The following PCF11 variants were observed in gnomAD, a reference collection of about 807,000 sequenced individuals.
PCF11 encodes PCF11 cleavage and polyadenylation factor subunit.
Under a neutral mutation model 166.1 loss-of-function variants are expected in PCF11, and 19 were observed. That is an observed-to-expected ratio of 0.11 (90% CI 0.08 to 0.17). PCF11 has a LOEUF of 0.17. Among genes scored for constraint, PCF11 ranks in the 10% least tolerant of loss-of-function variants. The probability of loss-of-function intolerance (pLI) is 1.00; values close to 1 mark genes in which losing one functional copy is unlikely to be tolerated. For missense variants in PCF11, 1,565 were observed against 1,855.5 expected (o/e 0.84, Z 2.88); for synonymous variants, 663 against 644.1 (o/e 1.03, Z -0.44).
At chr11:83,171,656 A>G (rs1860696108) in intron 8 of PCF11, among the ~76,000 whole-genome samples, 162 bp from the exon 9 acceptor site, 1 of 152,206 alleles carries the variant, frequency 6.6e-6, no homozygotes. Flanking sequence ...TCCTGTTTGT[A>G]GAAGACCTAG....
chr11:83,164,261 C>A, exon 4 of PCF11: 1 of 1,613,684 alleles, frequency 6.2e-7, no homozygotes, highest in South Asian at 1.1e-5. Context: ...CATCTCCACT[C>A]CTCCAATTGT....
In PCF11 at chr11:83,164,539, A is replaced by G. The variant is rs1590923530; in HGVS notation, c.702+138A>G. 1.7e-5 allele frequency: 11 copies of G among 666,626 alleles called. No individual in the cohort carries two copies. The South Asian group carries it at 2.0e-4, about 12-fold the overall frequency. 41.3% of individuals were successfully genotyped at this position (666,626 alleles called of 1,614,324 possible). On this transcript the variant is annotated intron_variant, in intron 4 of 15. Transcript: ENST00000298281. ...TTTCACTTTTATTTTACAAATGAGT[A>G]TATTTATTAGACTATACTTTTATAT... is the stretch of plus-strand genomic sequence containing the variant.
intron 4 of PCF11, among the ~76,000 whole-genome samples, chr11:83,165,273 G>A (rs1860404397): frequency 6.6e-6 from 1 of 152,168 alleles, no homozygotes; most frequent in African/African-American, 2.4e-5. Flanking sequence ...TTCTTGTGCA[G>A]CCGGAGTGTA....
At chr11:83,160,953 C>T (rs1487435775) in intron 1 of PCF11, among the ~76,000 whole-genome samples, 1 of 152,078 alleles carries the variant, frequency 6.6e-6, no homozygotes, top group African/African-American at 2.4e-5. Context: ...GTAGGCACAC[C>T]GTTGTAAGTT....
chr11:83,168,309 G>T (rs1180258571), intron 7 of PCF11, 119 bp from the exon 8 acceptor site: 17 of 948,390 alleles, frequency 1.8e-5, no homozygotes, highest in Non-Finnish European at 2.3e-5. Context: ...GCTTTACGCT[G>T]TCGGTCTCTC....
chr11:83,169,677 A>G, exon 8 of PCF11: 6 of 1,614,010 alleles, frequency 3.7e-6, no homozygotes, highest in Non-Finnish European at 5.1e-6. Context: ...TTCAAGGCAC[A>G]AGATTTGACA....
exon 8 of PCF11, chr11:83,169,404 T>C: frequency 6.2e-7 from 1 of 1,613,790 alleles, no homozygotes; most frequent in Non-Finnish European, 8.5e-7. Flanking sequence ...TTGAAGGGCC[T>C]CTGGGTCAAG....
chr11:83,166,213 A>G (rs1860450843), exon 5 of PCF11: 1 of 1,613,402 alleles, frequency 6.2e-7, no homozygotes, highest in Non-Finnish European at 8.5e-7. Flanking sequence ...AAGTCATCCG[A>G]ACACAGACTG....
chr11:83,170,987 T>TAAG, intron 8 of PCF11, among the ~76,000 whole-genome samples: 1 of 152,338 alleles, frequency 6.6e-6, no homozygotes, highest in Non-Finnish European at 1.5e-5. Context: ...TGGTACTTAC[T>TAAG]TAGTCTTGTT....
chr11:83,171,057 A>G (rs1398496114), intron 8 of PCF11, among the ~76,000 whole-genome samples: 1 of 152,218 alleles, frequency 6.6e-6, no homozygotes, highest in East Asian at 1.9e-4. Context: ...AAAAGTCCAC[A>G]TGTATACTGA....
At chr11:83,185,585 T>A (rs1861259064) in exon 16 of PCF11, 10 of 152,026 alleles carry the variant, frequency 6.6e-5, no homozygotes, top group Admixed American at 5.9e-4. Context: ...ACAAATATAT[T>A]TAAGTACTAA....
chr11:83,181,465 G>C (rs1187624553), intron 12 of PCF11, among the ~76,000 whole-genome samples: 1 of 149,390 alleles, frequency 6.7e-6, no homozygotes, highest in Non-Finnish European at 1.5e-5. Context: ...AAAGTCCAAG[G>C]CTTTGACCCC....
chr11:83,159,468 A>G (rs1860143447), intron 1 of PCF11, among the ~76,000 whole-genome samples: 1 of 152,200 alleles, frequency 6.6e-6, no homozygotes, highest in Admixed American at 6.5e-5. Context: ...GCTGGTTTTT[A>G]ATGGATCCGG....
At chr11:83,159,873 GACTTC>G (rs1426647101) in intron 1 of PCF11, among the ~76,000 whole-genome samples, 1 of 152,096 alleles carries the variant, frequency 6.6e-6, no homozygotes, top group Non-Finnish European at 1.5e-5. Context: ...TACATAAAAG[GACTTC>G]ACTTGTACAA....
At position 83,167,340 on chromosome 11, in the gene PCF11, C is replaced by T. The variant is rs751674656; in HGVS notation, c.2001+32C>T. On this transcript the variant is annotated intron_variant, in intron 6 of 15. Coordinates refer to ENST00000298281, the Ensembl canonical transcript of PCF11. The surrounding 1 kb of genome is among the most constrained non-coding windows in gnomAD (Gnocchi z 4.2). ...ACTATGATTAATCCCATGTAGTCAT[C>T]ATTATCTATCGTCTATTTTTTTGGT... is the stretch of plus-strand genomic sequence containing the variant. The T allele has an allele frequency of 1.9e-6, 3 of 1,559,412 alleles. No homozygotes were observed. Among genetic ancestry groups the T allele is most frequent in the East Asian group, 2.3e-5 (1 of 44,158 alleles).
At chr11:83,176,018 GT>G (rs1198922298) in intron 9 of PCF11, among the ~76,000 whole-genome samples, 2 of 151,828 alleles carry the variant, frequency 1.3e-5, no homozygotes, top group Non-Finnish European at 2.9e-5. Flanking sequence ...TCATCTCCCT[GT>G]TTCAGTTTTC....
exon 8 of PCF11, chr11:83,168,500 A>G (rs1334436183): frequency 4.3e-6 from 7 of 1,613,910 alleles, no homozygotes; most frequent in East Asian, 2.2e-5. Flanking sequence ...GAAGATTCAG[A>G]TAAACCATTT....
Position 83,164,187 on chromosome 11 carries a change from C to G in PCF11, c.508-20C>G, listed in dbSNP as rs554217060. ...TTTTAGCTGATACGTTTTTCTTAAA[C>G]AAATTGTCTTTTCTTATAGCCCGAG... On this transcript the variant is annotated intron_variant, in intron 3 of 15. Coordinates refer to ENST00000298281, the Ensembl canonical transcript of PCF11. The G allele has an allele frequency of 6.4e-7, 1 of 1,571,710 alleles. No individual in the cohort carries two copies. The highest frequency in any genetic ancestry group is 2.0e-5 in the Admixed American group (1 of 50,918).
At chr11:83,166,126 A>G in exon 5 of PCF11, 1 of 1,611,276 alleles carries the variant, frequency 6.2e-7, no homozygotes, top group Non-Finnish European at 8.5e-7. Context: ...CATCTTCAGG[A>G]TAAGACCGAT....
Sources: gnomAD v4.1 joint callset for allele counts (sites outside exome capture counted in the v4.1 genomes callset) on GRCh38, gnomAD v4.1.1 for gene constraint, Gnocchi (gnomAD v3.1) non-coding constraint, MANE v1.5 for transcripts, NCBI Gene and HGNC (gene_info 2026-07-23, HGNC 2026-07-21) for gene names.